The following DLG2 variants were observed in gnomAD, a reference collection of about 807,000 sequenced individuals.
DLG2 encodes disks large homolog 2.
DLG2 carries 45 observed loss-of-function variants against 132.5 expected under a neutral mutation model. That is an observed-to-expected ratio of 0.34 (90% CI 0.27 to 0.44). The LOEUF is 0.44. DLG2 is among the 20% of genes least tolerant of loss of function. The pLI, the probability that DLG2 is intolerant of heterozygous loss-of-function variation, is 1.00. For missense variants in DLG2, 1,045 were observed against 1,196.9 expected (o/e 0.87, Z 1.87); for synonymous variants, 424 against 419.6 (o/e 1.01, Z -0.13).
chr11:85,093,851 A>C (rs554731491), intron 6 of DLG2, among the ~76,000 whole-genome samples: 160 of 152,330 alleles, frequency 1.1e-3, no homozygotes, highest in Non-Finnish European at 2.0e-3. Flanking sequence ...TGAGGTGTCC[A>C]TTAATCCAGC....
intron 18 of DLG2, among the ~76,000 whole-genome samples, chr11:83,731,229 C>T (rs992433206): frequency 1.3e-5 from 2 of 152,150 alleles, no homozygotes; most frequent in African/African-American, 4.8e-5. Context: ...AGCAACCCAT[C>T]ATCTAGGTTT....
intron 6 of DLG2, among the ~76,000 whole-genome samples, chr11:84,853,520 T>G (rs1186077862): frequency 6.6e-6 from 1 of 152,010 alleles, no homozygotes; most frequent in Admixed American, 6.6e-5. Context: ...ATATCATAAT[T>G]TCCATTCCAA....
chr11:83,754,006 C>T (rs1053866981), intron 18 of DLG2, among the ~76,000 whole-genome samples: 3 of 148,504 alleles, frequency 2.0e-5, no homozygotes, highest in African/African-American at 7.7e-5. Context: ...AACAATTCAA[C>T]CAAATCCTGC....
chr11:83,970,306 A>T (rs181652148), intron 12 of DLG2, among the ~76,000 whole-genome samples: 1 of 152,308 alleles, frequency 6.6e-6, no homozygotes, highest in East Asian at 1.9e-4. Context: ...ATTTTCATAG[A>T]GTGACTTTGC....
chr11:83,770,500 G>C (rs1437929591), intron 18 of DLG2, among the ~76,000 whole-genome samples: 1 of 152,030 alleles, frequency 6.6e-6, no homozygotes, highest in Non-Finnish European at 1.5e-5. Flanking sequence ...TTCAAGGAGA[G>C]GTATAGCTGA....
chr11:85,308,170 TAA>T (rs1256760636), intron 3 of DLG2, among the ~76,000 whole-genome samples: 58 of 131,624 alleles, frequency 4.4e-4, no homozygotes, highest in Non-Finnish European at 7.0e-4. Flanking sequence ...TAAAATAAAA[TAA>T]AATAAAATAA....
intron 3 of DLG2, among the ~76,000 whole-genome samples, chr11:85,535,162 G>C (rs1265473670): frequency 1.3e-5 from 2 of 152,140 alleles, no homozygotes; most frequent in Non-Finnish European, 2.9e-5. Flanking sequence ...AAGAGGAAAG[G>C]AAAATATAGG....
At chr11:85,134,073 A>G (rs565403476) in intron 5 of DLG2, among the ~76,000 whole-genome samples, 1 of 152,136 alleles carries the variant, frequency 6.6e-6, no homozygotes, top group African/African-American at 2.4e-5. Flanking sequence ...AGTGAATGAC[A>G]GAATGGAAAG....
intron 7 of DLG2, among the ~76,000 whole-genome samples, chr11:84,394,335 T>G (rs1414939689): frequency 6.8e-6 from 1 of 146,736 alleles, no homozygotes; most frequent in African/African-American, 2.6e-5. Context: ...CCAAAGTCTT[T>G]CAGTTTTTTT....
At chr11:85,424,025 G>T (rs1025562267) in intron 3 of DLG2, among the ~76,000 whole-genome samples, 2 of 152,138 alleles carry the variant, frequency 1.3e-5, no homozygotes, top group South Asian at 4.1e-4. Context: ...CCTTTTCCCA[G>T]TGCCTCTGGC....
chr11:85,340,171 T>G (rs1014521096), intron 3 of DLG2, among the ~76,000 whole-genome samples: 1 of 152,182 alleles, frequency 6.6e-6, no homozygotes, highest in African/African-American at 2.4e-5. Context: ...ATCATGCTAC[T>G]ATAAAGACAC....
chr11:84,723,689 T>C (rs2153801267), intron 6 of DLG2, among the ~76,000 whole-genome samples: 1 of 152,220 alleles, frequency 6.6e-6, no homozygotes, highest in East Asian at 1.9e-4. Context: ...GTGTACTGCA[T>C]GGGGGTGTAC....
intron 6 of DLG2, among the ~76,000 whole-genome samples, chr11:84,631,021 C>CTCTG (rs2099631100): frequency 2.7e-5 from 2 of 75,090 alleles, no homozygotes; most frequent in African/African-American, 5.9e-5. Context: ...CTCTCTCTCA[C>CTCTG]ACACACACAC....
At chr11:85,564,829 G>C (rs1310005728) in intron 3 of DLG2, among the ~76,000 whole-genome samples, 1 of 151,792 alleles carries the variant, frequency 6.6e-6, no homozygotes, top group African/African-American at 2.4e-5. Context: ...GAGCAATTTG[G>C]GGAGAACTAG....
intron 6 of DLG2, among the ~76,000 whole-genome samples, chr11:85,001,185 C>G (rs1411705686): frequency 6.6e-6 from 1 of 151,544 alleles, no homozygotes; most frequent in Middle Eastern, 3.2e-3. Context: ...CCTCGATCTC[C>G]CACGTTCAAG....
intron 18 of DLG2, chr11:83,682,393 A>G (rs1034363694): frequency 1.6e-5 from 16 of 985,260 alleles, no homozygotes; most frequent in African/African-American, 1.7e-5. Context: ...CACTGGGTAC[A>G]TATATTTCCT....
In DLG2 at chr11:83,745,534, A is replaced by G. The variant is rs12805356; in HGVS notation, c.1825+41156T>C. On this transcript the variant is annotated intron_variant, in intron 18 of 27. Transcript: ENST00000376104. ...TTCCTTTCTTAAAAGCCTGTAGCTGAGCACAGTGGCTGTAATCCCAGCGCT... is the reference window on the plus strand; with the variant it reads ...TTCCTTTCTTAAAAGCCTGTAGCTGGGCACAGTGGCTGTAATCCCAGCGCT... 4.2e-3 allele frequency among the ~76,000 whole-genome samples: 634 copies of G among 152,204 alleles called. 4 individuals carry two copies. The highest frequency in any genetic ancestry group is 0.035 in the South Asian group (167 of 4,826).
At chr11:83,473,757 C>T (rs1565368748) in intron 22 of DLG2, among the ~76,000 whole-genome samples, 1 of 152,042 alleles carries the variant, frequency 6.6e-6, no homozygotes, top group Non-Finnish European at 1.5e-5. Flanking sequence ...ATATCCTCAC[C>T]ACCCACCCCT....
chr11:84,694,971 T>C (rs888696317), intron 6 of DLG2, among the ~76,000 whole-genome samples: 10 of 151,620 alleles, frequency 6.6e-5, no homozygotes, highest in African/African-American at 2.2e-4. Flanking sequence ...GGCTAAATTG[T>C]TCGCCTCATT....
Sources: gnomAD v4.1 joint callset for allele counts (sites outside exome capture counted in the v4.1 genomes callset) on GRCh38, gnomAD v4.1.1 for gene constraint, MANE v1.5 for transcripts, NCBI Gene and HGNC (gene_info 2026-07-23, HGNC 2026-07-21) for gene names.